RHOG: variants seen among roughly 807,000 people sequenced by gnomAD.
RHOG encodes the protein ras homolog family member G.
In RHOG, 1 loss-of-function variant was observed where a neutral mutation model predicts 12.3. That is an observed-to-expected ratio of 0.08 (90% CI 0.03 to 0.39). The LOEUF (loss-of-function observed/expected upper bound fraction) is 0.39, where lower values mean the gene tolerates loss of function less well. Among genes scored for constraint, RHOG ranks in the 10% least tolerant of loss-of-function variants. The pLI, the probability that RHOG is intolerant of heterozygous loss-of-function variation, is 0.99. For synonymous variants in RHOG, 129 were observed against 116.0 expected (o/e 1.11, Z -0.72); for missense variants, 114 against 266.2 (o/e 0.43, Z 3.98).
intron 1 of RHOG, among the ~76,000 whole-genome samples, chr11:3,829,615 A>G (rs938683353): frequency 2.6e-5 from 4 of 152,080 alleles, no homozygotes; most frequent in Non-Finnish European, 5.9e-5. Context: ...TGCCAATTCA[A>G]TGCAGGGGAA....
chr11:3,829,936 G>A (rs768609408), intron 1 of RHOG, among the ~76,000 whole-genome samples: 19 of 152,032 alleles, frequency 1.2e-4, no homozygotes, highest in African/African-American at 9.7e-5. Context: ...TAGTAGAGAC[G>A]GGGTTTCACC....
chr11:3,838,583 G>A (rs1455745521), intron 1 of RHOG, among the ~76,000 whole-genome samples: 2 of 152,336 alleles, frequency 1.3e-5, no homozygotes, highest in African/African-American at 4.8e-5. Context: ...GAAATGGGAA[G>A]AGAGACAAGT....
At chr11:3,828,785 T>C (rs535990248) in intron 1 of RHOG, among the ~76,000 whole-genome samples, 21 of 151,916 alleles carry the variant, frequency 1.4e-4, no homozygotes, top group Admixed American at 4.6e-4. Context: ...CACGCCCGGC[T>C]AATTTTTTGT....
At chr11:3,829,251 T>A (rs868842347) in intron 1 of RHOG, among the ~76,000 whole-genome samples, 19,175 of 139,654 alleles carry the variant, frequency 0.14, 1,193 homozygotes, top group Middle Eastern at 0.17. Context: ...ATGGGGAAAT[T>A]TTTTTTTTTT....
At chr11:3,836,828 G>A (rs1309326943) in intron 1 of RHOG, among the ~76,000 whole-genome samples, 7 of 146,774 alleles carry the variant, frequency 4.8e-5, no homozygotes, top group Non-Finnish European at 8.9e-5. Flanking sequence ...GCTTGAACCC[G>A]GGAGGTGGAG....
intron 1 of RHOG, among the ~76,000 whole-genome samples, chr11:3,832,094 A>G (rs1293296424): frequency 1.3e-5 from 2 of 152,136 alleles, no homozygotes; most frequent in Non-Finnish European, 2.9e-5. Flanking sequence ...AGTGTGGTAT[A>G]GGGCCAAGAG....
chr11:3,829,731 C>T (rs1164827208), intron 1 of RHOG, among the ~76,000 whole-genome samples: 4 of 151,766 alleles, frequency 2.6e-5, no homozygotes, highest in Non-Finnish European at 4.4e-5. Flanking sequence ...CTCTCAAGGC[C>T]CTTGGTGGGG....
At position 3,827,347 on chromosome 11, in the gene RHOG, T is replaced by C; in HGVS notation, c.*216A>G. ...CTTGGCTTGGATGAGCTCATGAGAATACCCAGTGTTCCCAAGCAGAGGGGG... is the reference window on the plus strand; with the variant it reads ...CTTGGCTTGGATGAGCTCATGAGAACACCCAGTGTTCCCAAGCAGAGGGGG... On this transcript the variant is annotated 3_prime_UTR_variant, in exon 2 of 2. Transcript: ENST00000351018. The surrounding 1 kb of genome is among the most constrained non-coding windows in gnomAD (Gnocchi z 7.3). 1.7e-6 allele frequency: 1 copy of C among 584,212 alleles called. No homozygotes were observed. Among genetic ancestry groups the C allele is most frequent in the Non-Finnish European group, 3.0e-6 (1 of 327,914 alleles). 36.2% of individuals were successfully genotyped at this position (584,212 alleles called of 1,614,324 possible).
intron 1 of RHOG, among the ~76,000 whole-genome samples, chr11:3,831,581 C>G (rs1025650743): frequency 1.2e-4 from 19 of 152,166 alleles, no homozygotes; most frequent in African/African-American, 4.1e-4. Context: ...CTAACCCCAG[C>G]TCTGCTGACT....
intron 1 of RHOG, among the ~76,000 whole-genome samples, chr11:3,828,771 C>T (rs974259653): frequency 1.3e-5 from 2 of 151,798 alleles, no homozygotes; most frequent in Admixed American, 6.6e-5. Flanking sequence ...CAGGCACCCA[C>T]CACCACGCCC....
chr11:3,829,725 C>G (rs550490967), intron 1 of RHOG, among the ~76,000 whole-genome samples: 55 of 152,070 alleles, frequency 3.6e-4, no homozygotes, highest in African/African-American at 1.3e-3. Context: ...TATCTTCTCT[C>G]AAGGCCCTTG....
chr11:3,828,200 C>G lies in RHOG; in HGVS notation c.-62G>C. On this transcript the variant is annotated 5_prime_UTR_variant, in exon 2 of 2. Coordinates refer to ENST00000351018, the MANE Select transcript of RHOG (RefSeq NM_001665.4). ...TCTCTCTTCTGGACCCCTCTGGCTG[C>G]AGTGACCTGTGGACAGATGAAAGGG... The G allele has an allele frequency of 6.8e-7, 1 of 1,471,810 alleles. No individual in the cohort carries two copies. Among genetic ancestry groups the G allele is most frequent in the Non-Finnish European group, 9.3e-7 (1 of 1,073,442 alleles). The allele number at this position is 1,471,810 out of a possible 1,614,324, so 91.2% of individuals were successfully genotyped here.
intron 1 of RHOG, among the ~76,000 whole-genome samples, chr11:3,838,148 C>T (rs1218045464): frequency 6.6e-6 from 1 of 152,240 alleles, no homozygotes; most frequent in African/African-American, 2.4e-5. Flanking sequence ...GCCTGAGCCC[C>T]CTTCTTCATG....
intron 1 of RHOG, among the ~76,000 whole-genome samples, chr11:3,829,248 A>ATTTTT (rs141026499): frequency 2.1e-5 from 2 of 95,172 alleles, no homozygotes; most frequent in Non-Finnish European, 2.4e-5. Context: ...GCAATGGGGA[A>ATTTTT]ATTTTTTTTT....
chr11:3,834,245 G>A (rs1401662308), intron 1 of RHOG, among the ~76,000 whole-genome samples: 1 of 152,098 alleles, frequency 6.6e-6, no homozygotes, highest in African/African-American at 2.4e-5. Context: ...ACCCTGCTTT[G>A]GCTCTGTGTG....
intron 1 of RHOG, among the ~76,000 whole-genome samples, chr11:3,832,096 G>A (rs1302795614): frequency 1.3e-5 from 2 of 152,004 alleles, no homozygotes; most frequent in Non-Finnish European, 2.9e-5. Flanking sequence ...TGTGGTATAG[G>A]GCCAAGAGTA....
At chr11:3,828,623 T>TTTG (rs1399162161) in intron 1 of RHOG, among the ~76,000 whole-genome samples, 1 of 77,312 alleles carries the variant, frequency 1.3e-5, no homozygotes, top group African/African-American at 7.4e-5. Context: ...GTATTAGCTA[T>TTTG]TTTTTTTTTT....
chr11:3,834,906 A>T (rs1054945623), intron 1 of RHOG, among the ~76,000 whole-genome samples: 1 of 152,178 alleles, frequency 6.6e-6, no homozygotes, highest in Non-Finnish European at 1.5e-5. Flanking sequence ...GAACCTCATT[A>T]TAACTACAAT....
intron 1 of RHOG, among the ~76,000 whole-genome samples, chr11:3,834,704 G>C (rs906228593): frequency 6.6e-6 from 1 of 152,242 alleles, no homozygotes; most frequent in African/African-American, 2.4e-5. Flanking sequence ...GCCCAGAATG[G>C]GGGAGGGAAA....
Sources: allele counts gnomAD v4.1 joint callset (sites outside exome capture counted in the v4.1 genomes callset), GRCh38; gene constraint gnomAD v4.1.1; non-coding constraint Gnocchi (gnomAD v3.1); transcripts MANE v1.5; gene names NCBI Gene and HGNC (gene_info 2026-07-23, HGNC 2026-07-21).